ADSS2: variants seen among roughly 807,000 people sequenced by gnomAD.
The protein encoded by ADSS2 is adenylosuccinate synthase 2, also known as adenylosuccinate synthetase isozyme 2.
In ADSS2, 30 loss-of-function variants were observed where a neutral mutation model predicts 60.0. That is an observed-to-expected ratio of 0.50 (90% CI 0.37 to 0.68). The LOEUF (loss-of-function observed/expected upper bound fraction) is 0.68. Ranked by LOEUF, ADSS2 falls within the 30% of genes least tolerant of loss-of-function variation. The pLI is 0.00. For synonymous variants in ADSS2, 187 were observed against 193.1 expected, an observed-to-expected ratio of 0.97 and a Z score of 0.26; for missense variants, 373 against 554.8, an observed-to-expected ratio of 0.67 and a Z score of 3.29.
chr1:244,414,225 A>T (rs1168919523), intron 11 of ADSS2, among the ~76,000 whole-genome samples: 2 of 152,146 alleles, frequency 1.3e-5, no homozygotes, highest in African/African-American at 2.4e-5. Flanking sequence ...TTAGGCATAG[A>T]AACAGTGATC....
intron 1 of ADSS2, among the ~76,000 whole-genome samples, chr1:244,438,687 A>G (rs765323032): frequency 3.9e-5 from 6 of 152,232 alleles, no homozygotes; most frequent in Non-Finnish European, 8.8e-5. Context: ...ACATCCTTCT[A>G]TAACATTAAA....
intron 1 of ADSS2, among the ~76,000 whole-genome samples, chr1:244,448,811 C>A (rs777575543): frequency 6.6e-6 from 1 of 152,106 alleles, no homozygotes; most frequent in Non-Finnish European, 1.5e-5. Flanking sequence ...TTCTCCATCC[C>A]GACCTTCTCA....
intron 11 of ADSS2, among the ~76,000 whole-genome samples, chr1:244,412,493 T>C (rs1664437655): frequency 6.6e-6 from 1 of 152,180 alleles, no homozygotes; most frequent in Admixed American, 6.5e-5. Flanking sequence ...AGAGTATGGA[T>C]AGCCTCTATC....
chr1:244,439,981 G>A (rs1410211275), intron 1 of ADSS2, among the ~76,000 whole-genome samples: 1 of 152,158 alleles, frequency 6.6e-6, no homozygotes, highest in Admixed American at 6.5e-5. Context: ...CTCCTGCCTC[G>A]AAGCACACAG....
chr1:244,429,878 T>C (rs867143954), intron 4 of ADSS2, among the ~76,000 whole-genome samples: 17 of 152,128 alleles, frequency 1.1e-4, no homozygotes, highest in Non-Finnish European at 2.4e-4. Context: ...TGAGACCCTG[T>C]CTCAAAAAAA....
intron 12 of ADSS2, among the ~76,000 whole-genome samples, chr1:244,410,914 C>T (rs1664396883): frequency 6.6e-6 from 1 of 152,094 alleles, no homozygotes; most frequent in Non-Finnish European, 1.5e-5. Context: ...ATTTCAAAGG[C>T]ACATAGGCAA....
At chr1:244,414,525 T>C (rs1328591529) in intron 11 of ADSS2, among the ~76,000 whole-genome samples, 2 of 152,314 alleles carry the variant, frequency 1.3e-5, no homozygotes, top group Middle Eastern at 3.4e-3. Flanking sequence ...TCCAACATGA[T>C]AGGGGGAGCC....
chr1:244,443,611 C>G (rs1665303645), intron 1 of ADSS2, among the ~76,000 whole-genome samples: 1 of 152,212 alleles, frequency 6.6e-6, no homozygotes. Flanking sequence ...GTATCTGGCA[C>G]AGTCAACCAA....
At chr1:244,435,922 TA>T (rs1472696007) in intron 3 of ADSS2, among the ~76,000 whole-genome samples, 1 of 152,208 alleles carries the variant, frequency 6.6e-6, no homozygotes, top group Non-Finnish European at 1.5e-5. Context: ...CTGTATTCTA[TA>T]TTTCATTTAT....
intron 11 of ADSS2, 146 bp downstream of exon 11, chr1:244,415,835 A>G (rs1284676802): frequency 1.5e-5 from 9 of 607,752 alleles, no homozygotes; most frequent in Non-Finnish European, 2.6e-5. Flanking sequence ...CCAAATAACT[A>G]ATAATAAGTG....
At chr1:244,440,935 C>T (rs546246292) in intron 1 of ADSS2, among the ~76,000 whole-genome samples, 1 of 152,224 alleles carries the variant, frequency 6.6e-6, no homozygotes, top group Non-Finnish European at 1.5e-5. Context: ...CTATTATAAA[C>T]AATCTTGCAA....
chr1:244,418,939 A>T (rs770503979), intron 8 of ADSS2, 25 bp from the exon 9 acceptor site: 13 of 1,556,930 alleles, frequency 8.3e-6, no homozygotes, highest in Non-Finnish European at 1.1e-5. Flanking sequence ...AGACATTAAA[A>T]TATAGTAGAC....
intron 1 of ADSS2, among the ~76,000 whole-genome samples, chr1:244,443,029 G>A (rs1338753647): frequency 6.6e-6 from 1 of 152,100 alleles, no homozygotes; most frequent in African/African-American, 2.4e-5. Flanking sequence ...TCCTACATGG[G>A]CCCATGGGCA....
At chr1:244,426,063 A>G (rs1380162743) in intron 4 of ADSS2, among the ~76,000 whole-genome samples, 1 of 152,198 alleles carries the variant, frequency 6.6e-6, no homozygotes, top group Non-Finnish European at 1.5e-5. Flanking sequence ...ATTCTGAGCT[A>G]TAAGGGTTAG....
At chr1:244,428,237 A>G (rs1664852377) in intron 4 of ADSS2, among the ~76,000 whole-genome samples, 1 of 152,206 alleles carries the variant, frequency 6.6e-6, no homozygotes, top group Non-Finnish European at 1.5e-5. Flanking sequence ...AGAAGTCTCA[A>G]CAAAGATTAG....
At chr1:244,431,991 G>A (rs941788014) in intron 4 of ADSS2, among the ~76,000 whole-genome samples, 11 of 152,284 alleles carry the variant, frequency 7.2e-5, no homozygotes, top group Admixed American at 3.3e-4. Flanking sequence ...AGTTTCCTAC[G>A]TGGTTTTTAC....
chr1:244,417,881 G>C lies in ADSS2; in HGVS notation c.946-129C>G, dbSNP rs1424253501. On this transcript the variant is annotated intron_variant, in intron 9 of 12. Coordinates refer to ENST00000366535, the MANE Select transcript of ADSS2 (RefSeq NM_001126.5). Reference sequence around the variant, plus strand: ...TCTTTCAGGTAATAACTAAATTGAAGATAGAATTCCACAGAGATGATGAAT... The same window carrying C: ...TCTTTCAGGTAATAACTAAATTGAACATAGAATTCCACAGAGATGATGAAT... 3.6e-6 allele frequency: 3 copies of C among 827,452 alleles called. No individual in the cohort carries two copies. In the Admixed American group the frequency reaches 1.0e-4, roughly 28 times the overall value. 51.3% of individuals were successfully genotyped at this position (827,452 alleles called of 1,614,324 possible). A position where few individuals can be genotyped will look rare whatever the true frequency, so the allele number is the denominator to read the frequency against.
Position 244,416,016 on chromosome 1 carries a change from T to G in ADSS2, c.1133A>C (p.Tyr378Ser), listed in dbSNP as rs1473392132. ...MFTEIKVGVAYKLDGEIIPHI... is the reference protein window; with the variant it reads ...MFTEIKVGVASKLDGEIIPHI... ...AGGTATGATTTCACCATCTAACTTG[T>G]AAGCAACTCCAACTTTGATTTCCGT... The change falls in exon 11 of 13, where the codon TAC becomes TCC. Residue 378 changes from tyrosine to serine, a missense_variant. Physicochemically the swap from Tyr to Ser is moderately radical, Grantham distance 144. Coordinates refer to ENST00000366535, the MANE Select transcript of ADSS2 (RefSeq NM_001126.5). 1 of 1,613,872 alleles carries G rather than the reference T, an allele frequency of 6.2e-7. No homozygotes were observed. Among genetic ancestry groups the G allele is most frequent in the Admixed American group, 1.7e-5 (1 of 60,012 alleles).
intron 12 of ADSS2, among the ~76,000 whole-genome samples, chr1:244,410,017 C>T (rs1558266819): frequency 6.6e-6 from 1 of 152,176 alleles, no homozygotes; most frequent in African/African-American, 2.4e-5. Context: ...CTTGCACAGC[C>T]TCAGAAACTG....
Sources: allele counts gnomAD v4.1 joint callset (sites outside exome capture counted in the v4.1 genomes callset), GRCh38; gene constraint gnomAD v4.1.1; transcripts MANE v1.5; gene names NCBI Gene and HGNC (gene_info 2026-07-23, HGNC 2026-07-21).